TENT4A: variants seen among roughly 807,000 people sequenced by gnomAD.
TENT4A encodes the protein terminal nucleotidyltransferase 4A.
In TENT4A, 7 loss-of-function variants were observed where a neutral mutation model predicts 72.8. That is an observed-to-expected ratio of 0.10 (90% confidence interval 0.05 to 0.18). The LOEUF (loss-of-function observed/expected upper bound fraction) is 0.18. TENT4A is among the 10% of genes least tolerant of loss of function. The pLI is 1.00. For synonymous variants in TENT4A, 456 were observed against 434.3 expected (o/e 1.05, Z -0.62); for missense variants, 831 against 1,017.7 (o/e 0.82, Z 2.50).
At chr5:6,752,304 G>A (rs1248075587) in intron 11 of TENT4A, among the ~76,000 whole-genome samples, 1 of 152,252 alleles carries the variant, frequency 6.6e-6, no homozygotes, top group African/African-American at 2.4e-5. Flanking sequence ...GAAGACTCTT[G>A]GCCACAGTCA....
intron 2 of TENT4A, among the ~76,000 whole-genome samples, chr5:6,737,909 G>GTTTTTT (rs374682397): frequency 2.3e-5 from 3 of 129,096 alleles, no homozygotes; most frequent in Non-Finnish European, 3.2e-5. Context: ...GATTTGTTGG[G>GTTTTTT]TTTTTTTTTT....
chr5:6,755,097 G>C lies in TENT4A; in HGVS notation c.*152G>C. 1.7e-6 allele frequency: 1 copy of C among 574,780 alleles called. No individual in the cohort carries two copies. The allele number at this position is 574,780 out of a possible 1,614,324, so 35.6% of individuals were successfully genotyped here. A position where few individuals can be genotyped will look rare whatever the true frequency, so the allele number is the denominator to read the frequency against. On this transcript the variant is annotated 3_prime_UTR_variant, in exon 13 of 13. Transcript: ENST00000230859. ...ACTCTGCATGTTTCTTCGTGTGGTGGTCGCGTCCATCTTCAAGAACAGCTC... is the reference window on the plus strand; with the variant it reads ...ACTCTGCATGTTTCTTCGTGTGGTGCTCGCGTCCATCTTCAAGAACAGCTC...
Position 6,755,007 on chromosome 5 carries a change from C to T in TENT4A, c.*62C>T, listed in dbSNP as rs938017149. Reference sequence around the variant, plus strand: ...CAGACTGCCCCGCGGCCTCGGCCACCGGCAGGGGAACCGAGACCAGCACCC... The same window carrying T: ...CAGACTGCCCCGCGGCCTCGGCCACTGGCAGGGGAACCGAGACCAGCACCC... On this transcript the variant is annotated 3_prime_UTR_variant, in exon 13 of 13. Coordinates refer to ENST00000230859, the MANE Select transcript of TENT4A (RefSeq NM_006999.6). The T allele has an allele frequency of 6.1e-5, 87 of 1,422,286 alleles. No individual in the cohort carries two copies. The highest frequency in any genetic ancestry group is 1.9e-4 in the Admixed American group (8 of 42,108). 88.1% of individuals were successfully genotyped at this position (1,422,286 alleles called of 1,614,324 possible).
At position 6,721,174 on chromosome 5, in the gene TENT4A, G is replaced by C. The variant is rs187366328; in HGVS notation, c.716+6475G>C. On this transcript the variant is annotated intron_variant, in intron 1 of 12. Coordinates refer to ENST00000230859, the MANE Select transcript of TENT4A (RefSeq NM_006999.6). The stretch of plus-strand genomic sequence containing the variant: ...CCCGCATTCTTAGTGCCAAGCACAC[G>C]GTAGCCACTAAGTAAGTATCTCCCA... Among the ~76,000 whole-genome samples the C allele has an allele frequency of 8.9e-4, 135 of 152,260 alleles. 1 individual carries two copies. Among genetic ancestry groups the C allele is most frequent in the East Asian group, 1.9e-3 (10 of 5,162 alleles).
At position 6,753,163 on chromosome 5, in the gene TENT4A, C is replaced by T; in HGVS notation, c.2184+126C>T. The T allele has an allele frequency of 4.3e-6, 4 of 930,164 alleles. No homozygotes were observed. In the South Asian group the frequency reaches 8.9e-5, roughly 21 times the overall value. The allele number at this position is 930,164 out of a possible 1,614,324, so 57.6% of individuals were successfully genotyped here. On this transcript the variant is annotated intron_variant, in intron 12 of 12. Coordinates refer to ENST00000230859, the MANE Select transcript of TENT4A (RefSeq NM_006999.6). ...TTGAAAACGGAATTTGCTTTGTTGT[C>T]ATTCAGCCTGTTTGCTTGTCTTTCC...
At chr5:6,730,240 G>C (rs1561031564) in intron 1 of TENT4A, among the ~76,000 whole-genome samples, 3 of 152,132 alleles carry the variant, frequency 2.0e-5, no homozygotes. Flanking sequence ...GTTCTGACTG[G>C]CCCTGGGACA....
chr5:6,731,067 G>T (rs546730182), intron 1 of TENT4A, among the ~76,000 whole-genome samples: 8 of 152,304 alleles, frequency 5.3e-5, no homozygotes, highest in African/African-American at 1.9e-4. Context: ...TGGTGTAATC[G>T]TATCAAAGCA....
intron 9 of TENT4A, among the ~76,000 whole-genome samples, 159 bp from the exon 10 acceptor site, chr5:6,750,171 GA>G (rs1426367630): frequency 6.6e-6 from 1 of 152,202 alleles, no homozygotes; most frequent in Admixed American, 6.5e-5. Flanking sequence ...ACAACTAATT[GA>G]ATGTAATTTT....
intron 1 of TENT4A, among the ~76,000 whole-genome samples, chr5:6,715,316 C>T (rs760977553): frequency 6.6e-6 from 1 of 152,110 alleles, no homozygotes; most frequent in African/African-American, 2.4e-5. Context: ...TGGAAGGTGC[C>T]ATTTTTATTT....
At chr5:6,719,347 G>A (rs1201718799) in intron 1 of TENT4A, among the ~76,000 whole-genome samples, 1 of 152,064 alleles carries the variant, frequency 6.6e-6, no homozygotes, top group Non-Finnish European at 1.5e-5. Context: ...TTTTGTAGTT[G>A]TGGAGTAAAG....
At chr5:6,731,003 A>G (rs1425811782) in intron 1 of TENT4A, among the ~76,000 whole-genome samples, 1 of 152,246 alleles carries the variant, frequency 6.6e-6, no homozygotes, top group Admixed American at 6.5e-5. Flanking sequence ...AAAGTTAAAT[A>G]TTAATCCAGA....
At chr5:6,727,235 G>A (rs937066497) in intron 1 of TENT4A, among the ~76,000 whole-genome samples, 3 of 152,144 alleles carry the variant, frequency 2.0e-5, no homozygotes, top group Non-Finnish European at 2.9e-5. Flanking sequence ...GGCATGCCAT[G>A]GATGTCGCTC....
chr5:6,714,760 C>CGGTCCTGGCCGGCGCCCGA, intron 1 of TENT4A, 61 bp downstream of exon 1: 3 of 954,242 alleles, frequency 3.1e-6, no homozygotes, highest in Non-Finnish European at 4.0e-6. Context: ...CCGGCGCCCG[C>CGGTCCTGGCCGGCGCCCGA]GGTGCAGACA....
chr5:6,725,730 C>T (rs1005561214), intron 1 of TENT4A, among the ~76,000 whole-genome samples: 3 of 152,162 alleles, frequency 2.0e-5, no homozygotes, highest in Non-Finnish European at 4.4e-5. Flanking sequence ...TCCCACCACC[C>T]AGAAGCACAA....
chr5:6,721,348 C>T (rs1740636754), intron 1 of TENT4A, among the ~76,000 whole-genome samples: 1 of 152,244 alleles, frequency 6.6e-6, no homozygotes, highest in South Asian at 2.1e-4. Context: ...AGTTTATCTG[C>T]TTTCCTTCCT....
At chr5:6,725,118 G>A (rs370897293) in intron 1 of TENT4A, among the ~76,000 whole-genome samples, 2 of 152,214 alleles carry the variant, frequency 1.3e-5, no homozygotes, top group Non-Finnish European at 2.9e-5. Context: ...TCAGGAGATC[G>A]AGACCATCCT....
chr5:6,714,741 T>TGGTCCTGGTCGGCGCCCGC, intron 1 of TENT4A, 42 bp downstream of exon 1: 1 of 1,002,924 alleles, frequency 1.0e-6, no homozygotes, highest in Non-Finnish European at 1.3e-6. Context: ...GCGGGGCCCA[T>TGGTCCTGGTCGGCGCCCGC]GGTCCTGGCC....
chr5:6,751,330 T>C, intron 11 of TENT4A, 133 bp downstream of exon 11: 1 of 899,628 alleles, frequency 1.1e-6, no homozygotes, highest in Non-Finnish European at 1.7e-6. Context: ...CATTGGTGTG[T>C]TGTTCTAGGA....
chr5:6,740,852 G>C (rs889937512), intron 4 of TENT4A, among the ~76,000 whole-genome samples: 3 of 152,192 alleles, frequency 2.0e-5, no homozygotes, highest in African/African-American at 7.2e-5. Flanking sequence ...AAATGCTTAC[G>C]GGCCTTATTG....
Sources: allele counts gnomAD v4.1 joint callset (sites outside exome capture counted in the v4.1 genomes callset), GRCh38; gene constraint gnomAD v4.1.1; transcripts MANE v1.5; gene names NCBI Gene and HGNC (gene_info 2026-07-23, HGNC 2026-07-21).